The following ITPR1 variants were observed in gnomAD, a reference collection of about 807,000 sequenced individuals.
ITPR1 encodes the protein inositol 1,4,5-trisphosphate receptor type 1, also known as inositol 1,4,5-trisphosphate-gated calcium channel ITPR1.
ITPR1 carries 96 observed loss-of-function variants against 318.4 expected under a neutral mutation model. That is an observed-to-expected ratio of 0.30 (90% CI 0.26 to 0.36). The LOEUF (loss-of-function observed/expected upper bound fraction) is 0.36. Among genes scored for constraint, ITPR1 ranks in the 10% least tolerant of loss-of-function variants. The pLI is 1.00. For missense variants in ITPR1, 2,440 were observed against 3,460.2 expected, an observed-to-expected ratio of 0.71 and a Z score of 7.40; for synonymous variants, 1,312 against 1,289.9, an observed-to-expected ratio of 1.02 and a Z score of -0.37.
intron 37 of ITPR1, among the ~76,000 whole-genome samples, chr3:4,706,961 TCA>T (rs1182747363): frequency 2.0e-5 from 3 of 152,158 alleles, no homozygotes; most frequent in Admixed American, 1.3e-4. Context: ...AGTACATAGG[TCA>T]CAGTTTGAGA....
intron 36 of ITPR1, among the ~76,000 whole-genome samples, chr3:4,705,205 A>G (rs945777652): frequency 1.3e-5 from 2 of 152,178 alleles, no homozygotes; most frequent in African/African-American, 4.8e-5. Context: ...GAAAAGAGTG[A>G]TTATTAGTCT....
chr3:4,777,187 G>A (rs1019410914), intron 47 of ITPR1, 77 bp from the exon 48 acceptor site: 1 of 800,826 alleles, frequency 1.2e-6, no homozygotes, highest in Non-Finnish European at 2.1e-6. Context: ...TGTTGAAATA[G>A]CAGTTCAGCC....
intron 60 of ITPR1, chr3:4,831,165 T>A (rs1182997041): frequency 1.2e-3 from 234 of 189,842 alleles, no homozygotes; most frequent in Admixed American, 3.6e-3. Flanking sequence ...TCACTCCCTC[T>A]CTCTGTCTCT....
intron 21 of ITPR1, among the ~76,000 whole-genome samples, chr3:4,673,977 C>G (rs576148955): frequency 5.4e-4 from 82 of 152,246 alleles, no homozygotes; most frequent in African/African-American, 1.9e-3. Flanking sequence ...TATCAGTGAA[C>G]AAACTAGAAA....
At chr3:4,653,159 C>G (rs1483156298) in intron 11 of ITPR1, among the ~76,000 whole-genome samples, 1 of 152,178 alleles carries the variant, frequency 6.6e-6, no homozygotes, top group African/African-American at 2.4e-5. Flanking sequence ...CTATCAGATT[C>G]TAGTCGTGCA....
At chr3:4,546,567 G>A (rs531572384) in intron 4 of ITPR1, among the ~76,000 whole-genome samples, 32 of 152,296 alleles carry the variant, frequency 2.1e-4, no homozygotes, top group Admixed American at 9.8e-4. Context: ...CCAGTCAGTA[G>A]CAAATGCATG....
At chr3:4,504,465 A>T (rs191584660) in intron 2 of ITPR1, among the ~76,000 whole-genome samples, 111 of 152,332 alleles carry the variant, frequency 7.3e-4, no homozygotes, top group Admixed American at 3.7e-3. Context: ...AAACGAAAGC[A>T]TAATACAATT....
At chr3:4,771,996 G>A (rs377552293) in intron 46 of ITPR1, among the ~76,000 whole-genome samples, 1 of 152,182 alleles carries the variant, frequency 6.6e-6, no homozygotes, top group African/African-American at 2.4e-5. Flanking sequence ...TTAGAAGCCC[G>A]TGATCTGGAC....
chr3:4,659,513 G>A (rs1290307814), intron 13 of ITPR1, among the ~76,000 whole-genome samples: 1 of 151,712 alleles, frequency 6.6e-6, no homozygotes, highest in African/African-American at 2.4e-5. Flanking sequence ...ACAAAACCCC[G>A]ACTCTACAAA....
At chr3:4,524,591 T>A (rs1181823170) in intron 4 of ITPR1, among the ~76,000 whole-genome samples, 2 of 152,180 alleles carry the variant, frequency 1.3e-5, no homozygotes, top group African/African-American at 2.4e-5. Flanking sequence ...ATGTAGTCAT[T>A]TGGGTTTGCT....
intron 2 of ITPR1, among the ~76,000 whole-genome samples, chr3:4,502,587 T>C (rs1421704061): frequency 6.6e-6 from 1 of 151,896 alleles, no homozygotes; most frequent in East Asian, 1.9e-4. Context: ...TCTACAGGCA[T>C]GTGCCACCAT....
At chr3:4,696,666 G>C (rs1411108870) in intron 33 of ITPR1, among the ~76,000 whole-genome samples, 1 of 131,382 alleles carries the variant, frequency 7.6e-6, no homozygotes, top group Admixed American at 8.6e-5. Context: ...TGAGCCCCTT[G>C]CCGTGTGTTT....
chr3:4,796,665 GA>G (rs2047918006), intron 53 of ITPR1, among the ~76,000 whole-genome samples: 1 of 152,172 alleles, frequency 6.6e-6, no homozygotes, highest in African/African-American at 2.4e-5. Flanking sequence ...CAGTTCTGGG[GA>G]CAGGGAGTTA....
intron 53 of ITPR1, among the ~76,000 whole-genome samples, chr3:4,797,600 C>A (rs2047979784): frequency 6.6e-6 from 1 of 152,200 alleles, no homozygotes; most frequent in African/African-American, 2.4e-5. Context: ...ACTCAGGCAG[C>A]TTCAGATTGC....
intron 4 of ITPR1, among the ~76,000 whole-genome samples, chr3:4,524,283 G>C (rs947367886): frequency 6.7e-6 from 1 of 148,580 alleles, no homozygotes. Flanking sequence ...CTTCAACTGC[G>C]GTGCAGCATA....
intron 36 of ITPR1, among the ~76,000 whole-genome samples, chr3:4,704,527 G>A (rs1164541055): frequency 6.6e-6 from 1 of 152,122 alleles, no homozygotes; most frequent in African/African-American, 2.4e-5. Flanking sequence ...AAACCTGCAC[G>A]GGTACCCCCT....
chr3:4,796,798 C>G (rs1490005552), intron 53 of ITPR1, among the ~76,000 whole-genome samples: 1 of 152,196 alleles, frequency 6.6e-6, no homozygotes, highest in East Asian at 1.9e-4. Context: ...CTGGGCAAGC[C>G]ACTTCAGCAA....
intron 4 of ITPR1, among the ~76,000 whole-genome samples, chr3:4,568,243 T>C (rs747868955): frequency 6.6e-6 from 1 of 152,228 alleles, no homozygotes; most frequent in African/African-American, 2.4e-5. Context: ...TGATGGGAAC[T>C]GAGACAAAGT....
At chr3:4,728,930 C>T (rs992684848) in intron 42 of ITPR1, among the ~76,000 whole-genome samples, 12 of 152,184 alleles carry the variant, frequency 7.9e-5, no homozygotes, top group East Asian at 1.9e-4. Context: ...GCATTTCATC[C>T]GAATTCGGGA....
Sources: gnomAD v4.1 joint callset for allele counts (sites outside exome capture counted in the v4.1 genomes callset) on GRCh38, gnomAD v4.1.1 for gene constraint, MANE v1.5 for transcripts, NCBI Gene and HGNC (gene_info 2026-07-23, HGNC 2026-07-21) for gene names.